Variants in WDR70 observed in about 807,000 individuals in gnomAD.
WDR70 encodes the protein WD repeat domain 70, also known as WD repeat-containing protein 70.
A neutral mutation model predicts 88.6 loss-of-function variants in WDR70; 53 were observed. That is an observed-to-expected ratio of 0.60 (90% confidence interval 0.48 to 0.75). The LOEUF (loss-of-function observed/expected upper bound fraction) is 0.75, where lower values mean the gene tolerates loss of function less well. Ranked by LOEUF, WDR70 falls within the 30% of genes least tolerant of loss-of-function variation. The pLI, the probability that WDR70 is intolerant of heterozygous loss-of-function variation, is 0.00. For missense variants in WDR70, 610 were observed against 823.2 expected, an observed-to-expected ratio of 0.74 and a Z score of 3.17; for synonymous variants, 280 against 270.0, an observed-to-expected ratio of 1.04 and a Z score of -0.36.
At chr5:37,687,848 C>A in intron 10 of WDR70, 1 of 606,036 alleles carries the variant, frequency 1.7e-6, no homozygotes, top group East Asian at 2.9e-5. Context: ...GTGAAAAGCA[C>A]AGGGAAGGAA....
At chr5:37,631,516 C>T (rs575767641) in intron 10 of WDR70, among the ~76,000 whole-genome samples, 2 of 152,224 alleles carry the variant, frequency 1.3e-5, no homozygotes, top group African/African-American at 4.8e-5. Flanking sequence ...GTTATTAATG[C>T]TTTTCAATGT....
intron 8 of WDR70, among the ~76,000 whole-genome samples, chr5:37,504,349 C>G (rs779914157): frequency 1.3e-5 from 2 of 151,250 alleles, no homozygotes; most frequent in Non-Finnish European, 2.9e-5. Context: ...AGCTTTTTTT[C>G]CCTTTTCAAC....
chr5:37,663,294 CAT>C (rs1745750337), intron 10 of WDR70, among the ~76,000 whole-genome samples: 1 of 152,196 alleles, frequency 6.6e-6, no homozygotes, highest in Non-Finnish European at 1.5e-5. Context: ...AACTCCAGAA[CAT>C]AGTACTCGGA....
chr5:37,413,753 A>G (rs1321854608), intron 5 of WDR70, among the ~76,000 whole-genome samples: 1 of 151,816 alleles, frequency 6.6e-6, no homozygotes, highest in African/African-American at 2.4e-5. Flanking sequence ...CTATGTGGGA[A>G]TTTTAAGGAT....
At chr5:37,668,944 A>G (rs937321183) in intron 10 of WDR70, among the ~76,000 whole-genome samples, 8 of 152,216 alleles carry the variant, frequency 5.3e-5, no homozygotes, top group Admixed American at 4.6e-4. Flanking sequence ...ACCCTCCTGG[A>G]AGATTCCACC....
At chr5:37,684,447 A>C (rs1746522487) in intron 10 of WDR70, among the ~76,000 whole-genome samples, 1 of 152,122 alleles carries the variant, frequency 6.6e-6, no homozygotes, top group Non-Finnish European at 1.5e-5. Flanking sequence ...CAGTCTTTGA[A>C]GTTGCTGTCC....
intron 7 of WDR70, among the ~76,000 whole-genome samples, chr5:37,472,980 T>G (rs912994944): frequency 6.6e-6 from 1 of 152,054 alleles, no homozygotes; most frequent in Non-Finnish European, 1.5e-5. Context: ...AACATATTTT[T>G]TTATCTTACA....
chr5:37,705,197 A>G (rs1319530834), intron 13 of WDR70, among the ~76,000 whole-genome samples: 10 of 152,214 alleles, frequency 6.6e-5, no homozygotes, highest in Non-Finnish European at 1.5e-4. Flanking sequence ...GAGAAAGAAG[A>G]GACAGTTTTG....
intron 10 of WDR70, among the ~76,000 whole-genome samples, chr5:37,616,994 T>G (rs1231423649): frequency 6.6e-6 from 1 of 152,224 alleles, no homozygotes; most frequent in Non-Finnish European, 1.5e-5. Context: ...AGTAGTATTT[T>G]TAGCCGATTC....
intron 9 of WDR70, among the ~76,000 whole-genome samples, chr5:37,524,035 A>G (rs1741180864): frequency 6.6e-6 from 1 of 152,200 alleles, no homozygotes; most frequent in African/African-American, 2.4e-5. Flanking sequence ...GGGAGAATGG[A>G]ACCAAGTTGG....
intron 9 of WDR70, among the ~76,000 whole-genome samples, chr5:37,517,369 AT>A (rs34483969): frequency 3.7e-4 from 54 of 147,206 alleles, no homozygotes; most frequent in African/African-American, 5.5e-4. Flanking sequence ...TGGTTATTAA[AT>A]TTTTTTTTTT....
At chr5:37,433,665 A>G (rs1166558099) in intron 5 of WDR70, among the ~76,000 whole-genome samples, 1 of 152,208 alleles carries the variant, frequency 6.6e-6, no homozygotes, top group African/African-American at 2.4e-5. Flanking sequence ...GTCAAGATTT[A>G]TATTATTCTC....
At chr5:37,463,551 A>G (rs1259298568) in intron 7 of WDR70, among the ~76,000 whole-genome samples, 1 of 152,142 alleles carries the variant, frequency 6.6e-6, no homozygotes, top group Admixed American at 6.5e-5. Flanking sequence ...ACTTCTACTC[A>G]TATACTCCAC....
intron 8 of WDR70, among the ~76,000 whole-genome samples, chr5:37,495,650 T>G (rs1411873479): frequency 1.3e-5 from 2 of 152,078 alleles, no homozygotes; most frequent in Non-Finnish European, 1.5e-5. Flanking sequence ...TTTTCAGGAG[T>G]GCCTATGTTT....
chr5:37,538,231 C>T (rs10057432), intron 9 of WDR70, among the ~76,000 whole-genome samples: 1 of 152,110 alleles, frequency 6.6e-6, no homozygotes, highest in Non-Finnish European at 1.5e-5. Context: ...TCTATCTCTC[C>T]TCTCCTGCCT....
chr5:37,604,419 C>T (rs1449297695), intron 9 of WDR70, among the ~76,000 whole-genome samples: 2 of 152,200 alleles, frequency 1.3e-5, no homozygotes, highest in Non-Finnish European at 2.9e-5. Flanking sequence ...AATTCTCCCT[C>T]TGGGTCTTGT....
At chr5:37,414,898 T>A (rs1352046342) in intron 5 of WDR70, among the ~76,000 whole-genome samples, 3 of 147,228 alleles carry the variant, frequency 2.0e-5, no homozygotes, top group Admixed American at 1.3e-4. Context: ...TGAACAAAGG[T>A]CTCTGGTTTT....
At chr5:37,713,366 A>G (rs1192515796) in intron 13 of WDR70, among the ~76,000 whole-genome samples, 3 of 152,224 alleles carry the variant, frequency 2.0e-5, no homozygotes, top group Non-Finnish European at 2.9e-5. Context: ...TTTGCAAATG[A>G]AGATTTTTCT....
At chr5:37,624,671 C>A (rs1015334586) in intron 10 of WDR70, among the ~76,000 whole-genome samples, 2 of 152,086 alleles carry the variant, frequency 1.3e-5, no homozygotes, top group African/African-American at 2.4e-5. Context: ...TATATGGGAG[C>A]CTTCGGAATG....
Sources: allele counts gnomAD v4.1 joint callset (sites outside exome capture counted in the v4.1 genomes callset), GRCh38; gene constraint gnomAD v4.1.1; transcripts MANE v1.5; gene names NCBI Gene and HGNC (gene_info 2026-07-23, HGNC 2026-07-21).